Variants in WNT4 observed in about 807,000 individuals in gnomAD.
WNT4 encodes Wnt family member 4.
A neutral mutation model predicts 34.5 loss-of-function variants in WNT4; 16 were observed. The observed-to-expected ratio is 0.46, with a 90% CI of 0.31 to 0.70. WNT4 has a LOEUF of 0.70. WNT4 is among the 30% of genes least tolerant of loss of function. The probability of loss-of-function intolerance (pLI) is 0.04; values close to 1 mark genes in which losing one functional copy is unlikely to be tolerated. For synonymous variants in WNT4, 200 were observed against 211.9 expected, an observed-to-expected ratio of 0.94 and a Z score of 0.49; for missense variants, 379 against 495.9, an observed-to-expected ratio of 0.76 and a Z score of 2.24.
intron 2 of WNT4, among the ~76,000 whole-genome samples, chr1:22,122,250 T>A (rs1450800200): frequency 6.6e-6 from 1 of 152,164 alleles, no homozygotes; most frequent in Non-Finnish European, 1.5e-5. Context: ...AGATACCTAT[T>A]ATGCATAAGC....
chr1:22,134,118 G>T lies in WNT4; in HGVS notation c.78-4267C>A, dbSNP rs550947914. ...AGTGTCGTGGGTCCCGGCCCTGCGG[G>T]TGTCCAGGTGGGGGCTGGGACGCCA... On this transcript the variant is annotated intron_variant, in intron 1 of 4. Coordinates refer to ENST00000290167, the MANE Select transcript of WNT4 (RefSeq NM_030761.5). The surrounding 1 kb of genome is among the most constrained non-coding windows in gnomAD (Gnocchi z 4.1). Among the ~76,000 whole-genome samples, 17 of 152,378 alleles carry T rather than the reference G, an allele frequency of 1.1e-4. No individual in the cohort carries two copies. Among genetic ancestry groups the T allele is most frequent in the Admixed American group, 9.8e-4 (15 of 15,314 alleles).
intron 1 of WNT4, 76 bp from the exon 2 acceptor site, chr1:22,129,927 C>A (rs563198636): frequency 6.5e-7 from 1 of 1,548,954 alleles, no homozygotes; most frequent in Admixed American, 1.7e-5. Flanking sequence ...TGAGCTCCAG[C>A]CCGGGTCTCT....
chr1:22,121,428 C>CCAGA lies in WNT4; in HGVS notation c.445+16_445+17insTCTG, dbSNP rs764311276. 1.9e-6 allele frequency: 3 copies of CCAGA among 1,613,950 alleles called. No individual in the cohort carries two copies. The highest frequency in any genetic ancestry group is 2.5e-6 in the Non-Finnish European group (3 of 1,180,016). ...CAAGCCCCCTGCCCTCCCACTCTGA[C>CCAGA]CACCTCCTGCACCTACCCTGTGGGC... On this transcript the variant is annotated intron_variant, in intron 3 of 4. Coordinates refer to ENST00000290167, the MANE Select transcript of WNT4 (RefSeq NM_030761.5).
At position 22,134,098 on chromosome 1, in the gene WNT4, C is replaced by T. The variant is rs114707106; in HGVS notation, c.78-4247G>A. ...TTTGGGAGGCCAAGCAGATCAGTGTCGTGGGTCCCGGCCCTGCGGGTGTCC... is the reference window on the plus strand; with the variant it reads ...TTTGGGAGGCCAAGCAGATCAGTGTTGTGGGTCCCGGCCCTGCGGGTGTCC... On this transcript the variant is annotated intron_variant, in intron 1 of 4. Transcript: ENST00000290167. The surrounding 1 kb of genome is among the most constrained non-coding windows in gnomAD (Gnocchi z 4.1). Among the ~76,000 whole-genome samples the T allele has an allele frequency of 8.1e-3, 1,231 of 152,348 alleles. 21 individuals carry two copies. The highest frequency in any genetic ancestry group is 0.028 in the African/African-American group (1,180 of 41,588).
intron 1 of WNT4, among the ~76,000 whole-genome samples, chr1:22,133,461 G>A (rs972672305): frequency 3.3e-5 from 5 of 152,138 alleles, no homozygotes; most frequent in African/African-American, 1.2e-4. Flanking sequence ...TGTGCCATCC[G>A]CTGACCCTGG....
intron 1 of WNT4, among the ~76,000 whole-genome samples, chr1:22,138,481 C>G (rs1470561608): frequency 2.0e-5 from 3 of 152,056 alleles, no homozygotes; most frequent in Non-Finnish European, 4.4e-5. Flanking sequence ...GGCTATCTAG[C>G]CGGTAAAGGT....
intron 2 of WNT4, among the ~76,000 whole-genome samples, chr1:22,122,420 C>T (rs909080158): frequency 1.6e-4 from 24 of 152,116 alleles, no homozygotes; most frequent in East Asian, 5.8e-4. Flanking sequence ...CTCAGTGGTT[C>T]TATTTTGGTG....
intron 1 of WNT4, among the ~76,000 whole-genome samples, chr1:22,138,689 G>T (rs1212405065): frequency 1.3e-5 from 2 of 152,146 alleles, no homozygotes; most frequent in African/African-American, 4.8e-5. Flanking sequence ...TATTTAGAGG[G>T]GAGAGAGGGA....
chr1:22,120,416 C>T lies in WNT4; in HGVS notation c.690G>A (p.Val230=), dbSNP rs1645886414. ...CWRAVPPFRQ[V]GHALKEKFDG... is the part of the protein sequence containing the mutation. ...CAAACTTCTCCTTCAGTGCGTGACC[C>T]ACCTGGCGGAAGGGCGGCACGGCTC... The change falls in exon 5 of 5, where the codon GTG becomes GTA. Residue 230 remains valine (V), a synonymous_variant. Coordinates refer to ENST00000290167, the MANE Select transcript of WNT4 (RefSeq NM_030761.5). The T allele has an allele frequency of 1.9e-6, 3 of 1,613,890 alleles. No individual in the cohort carries two copies. The highest frequency in any genetic ancestry group is 1.1e-5 in the South Asian group (1 of 91,084).
In WNT4 at chr1:22,120,092, G is replaced by C; in HGVS notation, c.1014C>G (p.Cys338Trp). The change falls in exon 5 of 5, where the codon TGC (cysteine) becomes TGG (tryptophan). Residue 338 changes from cysteine to tryptophan, a missense_variant. Physicochemically the swap from Cys to Trp is radical, Grantham distance 215 (BLOSUM62 -2). Transcript: ENST00000290167. The stretch of plus-strand genomic sequence containing the variant: ...ACTCCACGAGCCGCTGGCACTGCCG[G>C]CACTTGACGAAGCAGCACCAGTGGA... ...CKFHWCCFVK[C>W]RQCQRLVELH... 1 of 1,612,356 alleles carries C rather than the reference G, an allele frequency of 6.2e-7. No homozygotes were observed. Among genetic ancestry groups the C allele is most frequent in the Non-Finnish European group, 8.5e-7 (1 of 1,179,750 alleles).
chr1:22,142,765 C>T lies in WNT4; in HGVS notation c.77+81G>A. The T allele has an allele frequency of 2.1e-6, 2 of 933,134 alleles. No individual in the cohort carries two copies. The highest frequency in any genetic ancestry group is 2.6e-6 in the Non-Finnish European group (2 of 783,710). The allele number at this position is 933,134 out of a possible 1,614,324, so 57.8% of individuals were successfully genotyped here. A position where few individuals can be genotyped will look rare whatever the true frequency, so the allele number is the denominator to read the frequency against. On this transcript the variant is annotated intron_variant, in intron 1 of 4. Transcript: ENST00000290167. The surrounding 1 kb of genome is among the most constrained non-coding windows in gnomAD (Gnocchi z 6.0). ...CTGCCGGGCTGCCCCGCGCCCGCTGCCCCGCGCCGCCTGGCACCGGCCGCT... is the reference window on the plus strand; with the variant it reads ...CTGCCGGGCTGCCCCGCGCCCGCTGTCCCGCGCCGCCTGGCACCGGCCGCT...
intron 2 of WNT4, among the ~76,000 whole-genome samples, chr1:22,128,325 C>CA (rs1645955726): frequency 6.6e-6 from 1 of 152,194 alleles, no homozygotes; most frequent in African/African-American, 2.4e-5. Context: ...CTGAACAAGT[C>CA]AAAGGGCCTT....
At chr1:22,124,949 A>C (rs766196079) in intron 2 of WNT4, among the ~76,000 whole-genome samples, 9 of 152,166 alleles carry the variant, frequency 5.9e-5, no homozygotes, top group Non-Finnish European at 1.5e-5. Flanking sequence ...ATCCCTGCCC[A>C]GTCTGCCTTT....
In WNT4 at chr1:22,120,197, G is replaced by T; in HGVS notation, c.909C>A (p.Ile303=). 1 of 1,613,870 alleles carries T rather than the reference G, an allele frequency of 6.2e-7. No individual in the cohort carries two copies. Among genetic ancestry groups the T allele is most frequent in the Non-Finnish European group, 8.5e-7 (1 of 1,179,984 alleles). Residue 303 remains isoleucine, a synonymous_variant, in exon 5 of 5, where the codon ATC becomes ATA. Coordinates refer to ENST00000290167, the MANE Select transcript of WNT4 (RefSeq NM_030761.5). ...CACAGCACAGCAGCTCACAGCCGTC[G>T]ATGGCCTTGGACGTCTTGTTGCATG... is the stretch of plus-strand genomic sequence containing the variant. ...GRTCNKTSKA[I]DGCELLCCGR...
Position 22,121,316 on chromosome 1 carries a change from G to T in WNT4, c.483C>A (p.Tyr161Ter). 6.2e-7 allele frequency: 1 copy of T among 1,614,150 alleles called. No individual in the cohort carries two copies. Among genetic ancestry groups the T allele is most frequent in the Non-Finnish European group, 8.5e-7 (1 of 1,180,024 alleles). The change falls in exon 4 of 5, where the codon TAC (tyrosine) becomes TAA (stop). Residue 161 changes from tyrosine (Y) to a stop codon, truncating the protein, a stop_gained. Transcript: ENST00000290167. LOFTEE classifies it high-confidence loss of function. The stretch of plus-strand genomic sequence containing the variant: ...CAAACGACTGTGAGAAGGCCACACC[G>T]TAGGCGATGTTGTCAGAGCATCCTG... ...QWSGCSDNIA[Y>*]GVAFSQSFVD...
In WNT4 at chr1:22,142,821, C is replaced by G; in HGVS notation, c.77+25G>C. 8.5e-7 allele frequency: 1 copy of G among 1,172,560 alleles called. No homozygotes were observed. Among genetic ancestry groups the G allele is most frequent in the Non-Finnish European group, 1.1e-6 (1 of 925,466 alleles). 72.6% of individuals were successfully genotyped at this position (1,172,560 alleles called of 1,614,324 possible). A position where few individuals can be genotyped will look rare whatever the true frequency, so the allele number is the denominator to read the frequency against. On this transcript the variant is annotated intron_variant, in intron 1 of 4. Coordinates refer to ENST00000290167, the MANE Select transcript of WNT4 (RefSeq NM_030761.5). The surrounding 1 kb of genome is among the most constrained non-coding windows in gnomAD (Gnocchi z 6.0). ...CGGGGCCTGCCCCGCCCCGCCCCGC[C>G]CCGCTCGGCCCCGGCCAGACTTACA... is the stretch of plus-strand genomic sequence containing the variant.
chr1:22,122,590 C>A (rs980690055), intron 2 of WNT4, among the ~76,000 whole-genome samples: 1 of 152,146 alleles, frequency 6.6e-6, no homozygotes, highest in African/African-American at 2.4e-5. Flanking sequence ...AGACCATGCT[C>A]CCCTCCTGGG....
chr1:22,139,735 G>A lies in WNT4; in HGVS notation c.77+3111C>T, dbSNP rs578107974. On this transcript the variant is annotated intron_variant, in intron 1 of 4. Transcript: ENST00000290167. This position sits in a 1 kb window ranked among gnomAD's most constrained non-coding sequence, Gnocchi z 4.6. ...CTGGAACCCAGGTATCCTGACTCCC[G>A]GTACAGCCTCAGTGCAGGGAAGAGG... Among the ~76,000 whole-genome samples, 11 of 152,278 alleles carry A rather than the reference G, an allele frequency of 7.2e-5. No homozygotes were observed. In the South Asian group the frequency reaches 1.9e-3, roughly 26 times the overall value.
At chr1:22,123,792 C>T (rs941881197) in intron 2 of WNT4, among the ~76,000 whole-genome samples, 1 of 152,178 alleles carries the variant, frequency 6.6e-6, no homozygotes, top group Non-Finnish European at 1.5e-5. Context: ...TTGATTCCAC[C>T]TCCCACATAT....
Sources: allele counts gnomAD v4.1 joint callset (sites outside exome capture counted in the v4.1 genomes callset), GRCh38; gene constraint gnomAD v4.1.1; non-coding constraint Gnocchi (gnomAD v3.1); transcripts MANE v1.5; gene names NCBI Gene and HGNC (gene_info 2026-07-23, HGNC 2026-07-21).